Variants in DNM3 observed in about 807,000 individuals in gnomAD.
DNM3 encodes the protein dynamin-3.
A neutral mutation model predicts 101.6 loss-of-function variants in DNM3; 47 were observed. The observed-to-expected ratio is 0.46, with a 90% confidence interval of 0.37 to 0.59. DNM3 has a LOEUF of 0.59. DNM3 is among the 20% of genes least tolerant of loss of function. The pLI is 0.00. For missense variants in DNM3, 849 were observed against 1,085.7 expected, an observed-to-expected ratio of 0.78 and a Z score of 3.06; for synonymous variants, 385 against 387.9, an observed-to-expected ratio of 0.99 and a Z score of 0.09.
At chr1:171,949,509 G>C (rs758097965) in intron 2 of DNM3, among the ~76,000 whole-genome samples, 1 of 152,110 alleles carries the variant, frequency 6.6e-6, no homozygotes, top group East Asian at 1.9e-4. Context: ...TCCCAAGCTT[G>C]AGCAATCCTC....
intron 16 of DNM3, among the ~76,000 whole-genome samples, chr1:172,319,472 A>C (rs2065581594): frequency 6.6e-6 from 1 of 152,232 alleles, no homozygotes; most frequent in South Asian, 2.1e-4. Flanking sequence ...AAATTTTTGC[A>C]ACCTTCTCAT....
chr1:172,057,415 A>C (rs569669892), intron 10 of DNM3, among the ~76,000 whole-genome samples: 2 of 152,264 alleles, frequency 1.3e-5, no homozygotes, highest in East Asian at 3.9e-4. Context: ...AGTTGAAATG[A>C]AGGAAAAAAT....
intron 14 of DNM3, among the ~76,000 whole-genome samples, chr1:172,232,269 A>G (rs2061366876): frequency 6.6e-6 from 1 of 152,244 alleles, no homozygotes; most frequent in Non-Finnish European, 1.5e-5. Flanking sequence ...CTTTAAACCA[A>G]CAAAGATCAA....
intron 15 of DNM3, among the ~76,000 whole-genome samples, chr1:172,263,361 A>T (rs1266183101): frequency 1.9e-4 from 29 of 152,238 alleles, no homozygotes; most frequent in Non-Finnish European, 8.8e-5. Flanking sequence ...CCAAAGTATC[A>T]ATTGGAATGA....
chr1:171,972,604 C>G (rs143431830), intron 2 of DNM3, among the ~76,000 whole-genome samples: 1,688 of 152,332 alleles, frequency 0.011, 44 homozygotes, highest in African/African-American at 0.038. Flanking sequence ...AATCCCAGCA[C>G]TTTGAGAGGC....
chr1:172,417,855 T>A (rs1320548515), intron 20 of DNM3, among the ~76,000 whole-genome samples: 1 of 152,178 alleles, frequency 6.6e-6, no homozygotes, highest in African/African-American at 2.4e-5. Flanking sequence ...CCTATGGAGA[T>A]TTCACAACAT....
Position 172,157,217 on chromosome 1 carries a change from C to A in DNM3, c.1659+25929C>A, listed in dbSNP as rs74507617. The stretch of plus-strand genomic sequence containing the variant: ...GCGACAGATCATCAGGCATTAGATT[C>A]TCATAAGGAACACACACCCTAGATC... On this transcript the variant is annotated intron_variant, in intron 14 of 20. Coordinates refer to ENST00000627582, the MANE Select transcript of DNM3 (RefSeq NM_015569.5). Among the ~76,000 whole-genome samples the A allele has an allele frequency of 6.0e-3, 910 of 152,138 alleles. 13 individuals carry two copies. The highest frequency in any genetic ancestry group is 0.02 in the African/African-American group (849 of 41,506).
chr1:172,401,349 G>A (rs575998199), intron 20 of DNM3, among the ~76,000 whole-genome samples: 41 of 152,312 alleles, frequency 2.7e-4, no homozygotes, highest in Admixed American at 2.2e-3. Context: ...ACAGAAGTGG[G>A]TATATTAGGC....
At chr1:172,362,449 G>C (rs547791149) in intron 17 of DNM3, among the ~76,000 whole-genome samples, 91 of 150,796 alleles carry the variant, frequency 6.0e-4, no homozygotes, top group African/African-American at 2.2e-3. Context: ...TTTGGGAATA[G>C]CAAAAGGTCT....
intron 1 of DNM3, among the ~76,000 whole-genome samples, chr1:171,885,388 T>C (rs2036671041): frequency 6.6e-6 from 1 of 152,226 alleles, no homozygotes; most frequent in South Asian, 2.1e-4. Context: ...TTTCAAAGAA[T>C]GTTCCTCATG....
intron 13 of DNM3, among the ~76,000 whole-genome samples, chr1:172,108,031 T>C (rs2055190362): frequency 6.6e-6 from 1 of 151,870 alleles, no homozygotes; most frequent in Non-Finnish European, 1.5e-5. Flanking sequence ...TGGTCTCCAT[T>C]CTCACTCAGG....
chr1:172,111,620 A>G (rs1403536326), intron 13 of DNM3, among the ~76,000 whole-genome samples: 2 of 152,234 alleles, frequency 1.3e-5, no homozygotes, highest in African/African-American at 2.4e-5. Flanking sequence ...CAGAAAGTCT[A>G]TGCTTTGAAC....
At chr1:172,226,928 T>C (rs73043093) in intron 14 of DNM3, among the ~76,000 whole-genome samples, 6,601 of 152,038 alleles carry the variant, frequency 0.043, 432 homozygotes, top group African/African-American at 0.14. Flanking sequence ...TTTCAATAGC[T>C]CTGGGGGGAG....
chr1:171,901,672 G>A (rs1351318840), intron 1 of DNM3, among the ~76,000 whole-genome samples: 1 of 152,140 alleles, frequency 6.6e-6, no homozygotes, highest in Non-Finnish European at 1.5e-5. Flanking sequence ...GCAACTGAAG[G>A]CATCACTATG....
At chr1:171,841,954 G>T in intron 1 of DNM3, 137 bp downstream of exon 1, 1 of 1,157,066 alleles carries the variant, frequency 8.6e-7, no homozygotes, top group Non-Finnish European at 1.2e-6. Context: ...GAGTGGAATG[G>T]GGGGCAGAGT....
In DNM3 at chr1:172,387,233, A is replaced by G. The variant is rs1319127035; in HGVS notation, c.2159A>G (p.Asp720Gly). Residue 720 changes from aspartate to glycine, a missense_variant, in exon 19 of 21, where the codon GAT (aspartate) becomes GGT (glycine). Physicochemically the swap from Asp to Gly is moderately conservative, Grantham distance 94. Around this residue, in one of 5 missense-constraint regions of DNM3, gnomAD observed 256 missense variants for 311.7 expected, o/e 0.82. Transcript: ENST00000627582. ...TCTGCTGAGCAGGCTCAGCGCCGGG[A>G]TGAGATGCTTCGAATGTATCAAGCA... ...EESAEQAQRR[D>G]EMLRMYQALK... 1 of 1,614,002 alleles carries G rather than the reference A, an allele frequency of 6.2e-7. No individual in the cohort carries two copies. The highest frequency in any genetic ancestry group is 2.2e-5 in the East Asian group (1 of 44,886).
At chr1:172,071,443 G>A (rs16843795) in intron 11 of DNM3, among the ~76,000 whole-genome samples, 10,345 of 151,950 alleles carry the variant, frequency 0.068, 688 homozygotes, top group East Asian at 0.17. Flanking sequence ...CATTTTGGAT[G>A]GATCTCGCAT....
rs2071164586 is a variant in DNM3 at position 172,410,854 on chromosome 1, G to C, written c.*3013G>C. 12 of 985,256 alleles carry C rather than the reference G, an allele frequency of 1.2e-5. No homozygotes were observed. The highest frequency in any genetic ancestry group is 1.4e-5 in the Non-Finnish European group (12 of 829,814). The allele number at this position is 985,256 out of a possible 1,614,324, so 61.0% of individuals were successfully genotyped here. A position where few individuals can be genotyped will look rare whatever the true frequency, so the allele number is the denominator to read the frequency against. On this transcript the variant is annotated 3_prime_UTR_variant, in exon 21 of 21. Coordinates refer to ENST00000627582, the MANE Select transcript of DNM3 (RefSeq NM_015569.5). ...TTGTGACTTTTTAGTATAGACTGTA[G>C]CCATAATTCTCAAATATGAAATGGG...
intron 4 of DNM3, among the ~76,000 whole-genome samples, chr1:171,990,836 T>C (rs1388887922): frequency 6.6e-6 from 1 of 152,126 alleles, no homozygotes; most frequent in African/African-American, 2.4e-5. Context: ...AACAAGCAGG[T>C]AGAGGCTCCA....
Sources: gnomAD v4.1 joint callset for allele counts (sites outside exome capture counted in the v4.1 genomes callset) on GRCh38, gnomAD v4.1.1 for gene constraint, gnomAD v4.1.1 regional missense constraint, MANE v1.5 for transcripts, NCBI Gene and HGNC (gene_info 2026-07-23, HGNC 2026-07-21) for gene names.